SPINK14: variants seen among roughly 807,000 people sequenced by gnomAD.
SPINK14 encodes serine protease inhibitor Kazal-type 14.
In SPINK14, 6 loss-of-function variants were observed where a neutral mutation model predicts 14.2. The ratio of observed to expected loss-of-function variants is 0.42; its 90% CI spans 0.23 to 0.83. The LOEUF is 0.83. Ranked by LOEUF, SPINK14 falls within the 40% of genes least tolerant of loss-of-function variation. The pLI is 0.28. For synonymous variants in SPINK14, 34 were observed against 36.8 expected (o/e 0.92, Z 0.27); for missense variants, 86 against 108.3 (o/e 0.79, Z 0.91).
intron 4 of SPINK14, among the ~76,000 whole-genome samples, chr5:148,174,746 C>T (rs1755146220): frequency 6.6e-6 from 1 of 152,068 alleles, no homozygotes; most frequent in Non-Finnish European, 1.5e-5. Context: ...GTGTTTGAAA[C>T]TCTGAACTAC....
At chr5:148,169,538 A>G (rs1398580594) in intron 1 of SPINK14, among the ~76,000 whole-genome samples, 123 bp from the exon 2 acceptor site, 4 of 152,184 alleles carry the variant, frequency 2.6e-5, no homozygotes, top group African/African-American at 9.6e-5. Context: ...CTTTTTAAAC[A>G]TTTGTTTCTG....
In SPINK14 at chr5:148,174,324, A is replaced by G; in HGVS notation, c.202A>G (p.Asn68Asp). 9.0e-7 allele frequency: 1 copy of G among 1,114,172 alleles called. No homozygotes were observed. 69.0% of individuals were successfully genotyped at this position (1,114,172 alleles called of 1,614,324 possible). A position where few individuals can be genotyped will look rare whatever the true frequency, so the allele number is the denominator to read the frequency against. Residue 68 changes from asparagine (N) to aspartate (D), a missense_variant, in exon 4 of 5, where the codon AAT becomes GAT. Coordinates refer to ENST00000356972, the MANE Select transcript of SPINK14 (RefSeq NM_001001325.2). Reference protein sequence around the residue: ...PGLYQPICGTNFITYDNPCIL... With the variant: ...PGLYQPICGTDFITYDNPCIL... ...CTTATATCAACCCATCTGCGGCACC[A>G]ATTTTATAACCTATGATAATCCCTG...
chr5:148,172,564 T>C (rs1315231385), intron 3 of SPINK14, among the ~76,000 whole-genome samples: 3 of 152,204 alleles, frequency 2.0e-5, no homozygotes, highest in Non-Finnish European at 4.4e-5. Context: ...ACATAATGAC[T>C]AGCCTAATCA....
intron 1 of SPINK14, among the ~76,000 whole-genome samples, chr5:148,168,980 T>C (rs1755066134): frequency 6.6e-6 from 1 of 152,146 alleles, no homozygotes; most frequent in Admixed American, 6.6e-5. Context: ...TTAAATGTGG[T>C]CCTTGGTCAG....
rs781524133 is a variant in SPINK14, at chr5:148,170,920, T to A, written c.68-10T>A. ...ATTAAATTCTGTAACTATTTTCATGTATTCTCTAGTTTCAGGCCCTAGACA... is the reference window on the plus strand; with the variant it reads ...ATTAAATTCTGTAACTATTTTCATGAATTCTCTAGTTTCAGGCCCTAGACA... On this transcript the variant is annotated splice_polypyrimidine_tract_variant and intron_variant, in intron 2 of 4. Transcript: ENST00000356972. The A allele has an allele frequency of 4.4e-6, 7 of 1,609,142 alleles. No homozygotes were observed. Among genetic ancestry groups the A allele is most frequent in the Non-Finnish European group, 6.0e-6 (7 of 1,176,002 alleles).
Position 148,169,818 on chromosome 5 carries a change from C to T in SPINK14, c.67+19C>T. 2 of 1,601,616 alleles carry T rather than the reference C, an allele frequency of 1.2e-6. 1 individual carries two copies. Among genetic ancestry groups the T allele is most frequent in the South Asian group, 2.2e-5 (2 of 89,612 alleles). ...TCTTCTGGTGAGTAATTTAGCTGGTCTTGGCCAGCAGTTGAAATTGATTTG... is the reference window on the plus strand; with the variant it reads ...TCTTCTGGTGAGTAATTTAGCTGGTTTTGGCCAGCAGTTGAAATTGATTTG... On this transcript the variant is annotated intron_variant, in intron 2 of 4. Transcript: ENST00000356972.
chr5:148,168,822 T>TA (rs1755064109), intron 1 of SPINK14, among the ~76,000 whole-genome samples: 1 of 152,266 alleles, frequency 6.6e-6, no homozygotes, highest in African/African-American at 2.4e-5. Flanking sequence ...GGCTACATTT[T>TA]AATGTCTTAA....
At position 148,169,693 on chromosome 5, in the gene SPINK14, T is replaced by C; in HGVS notation, c.-40T>C. On this transcript the variant is annotated 5_prime_UTR_variant, in exon 2 of 5. Transcript: ENST00000356972. Reference sequence around the variant, plus strand: ...ATTAGAGGGCAACAACCTGAGACAATATTTCAGAGCATCATTCCAAGGACA... The same window carrying C: ...ATTAGAGGGCAACAACCTGAGACAACATTTCAGAGCATCATTCCAAGGACA... 6.5e-7 allele frequency: 1 copy of C among 1,541,794 alleles called. No individual in the cohort carries two copies. Among genetic ancestry groups the C allele is most frequent in the Non-Finnish European group, 8.9e-7 (1 of 1,118,816 alleles).
chr5:148,169,628 A>T, intron 1 of SPINK14, 33 bp from the exon 2 acceptor site: 1 of 860,116 alleles, frequency 1.2e-6, no homozygotes, highest in Non-Finnish European at 1.8e-6. Flanking sequence ...TCATTGTAAA[A>T]GTCATCTTAA....
chr5:148,169,581 G>C, intron 1 of SPINK14, 80 bp from the exon 2 acceptor site: 1 of 558,150 alleles, frequency 1.8e-6, no homozygotes. Flanking sequence ...CAAATACATA[G>C]TACTGAGGAT....
At chr5:148,169,414 C>T (rs969008165) in intron 1 of SPINK14, among the ~76,000 whole-genome samples, 5 of 152,000 alleles carry the variant, frequency 3.3e-5, no homozygotes, top group Non-Finnish European at 2.9e-5. Flanking sequence ...AAAATGTTTT[C>T]CCACTAAAAT....
At position 148,175,336 on chromosome 5, in the gene SPINK14, T is replaced by A; in HGVS notation, c.249-17T>A. ...TTGTATTACTAAATGAAATGTTTAT[T>A]CTGATTCTTCCTTTAGGAAATCTCA... On this transcript the variant is annotated splice_polypyrimidine_tract_variant and intron_variant, in intron 4 of 4. Coordinates refer to ENST00000356972, the MANE Select transcript of SPINK14 (RefSeq NM_001001325.2). 6.5e-7 allele frequency: 1 copy of A among 1,534,274 alleles called. No individual in the cohort carries two copies. Among genetic ancestry groups the A allele is most frequent in the Non-Finnish European group, 9.0e-7 (1 of 1,114,924 alleles).
intron 3 of SPINK14, among the ~76,000 whole-genome samples, chr5:148,173,419 TAC>T (rs1755132258): frequency 6.6e-6 from 1 of 152,082 alleles, no homozygotes; most frequent in Non-Finnish European, 1.5e-5. Flanking sequence ...GATTTTTTTC[TAC>T]AGTGTCAGGG....
chr5:148,170,488 C>T (rs1300394317), intron 2 of SPINK14, among the ~76,000 whole-genome samples: 1 of 152,074 alleles, frequency 6.6e-6, no homozygotes, highest in Non-Finnish European at 1.5e-5. Context: ...GAGGCCTAGC[C>T]TCAAGGGCTG....
At chr5:148,171,632 T>G (rs1027902169) in intron 3 of SPINK14, among the ~76,000 whole-genome samples, 1 of 152,160 alleles carries the variant, frequency 6.6e-6, no homozygotes, top group African/African-American at 2.4e-5. Context: ...ATTCCTTCCC[T>G]TTAGAAGTAT....
At chr5:148,170,165 T>TACACAC (rs1173691697) in intron 2 of SPINK14, among the ~76,000 whole-genome samples, 7 of 102,742 alleles carry the variant, frequency 6.8e-5, no homozygotes, top group African/African-American at 2.1e-4. Context: ...AGAGTATATA[T>TACACAC]ATATATATAC....
intron 4 of SPINK14, 42 bp from the exon 5 acceptor site, chr5:148,175,311 T>C: frequency 1.6e-6 from 2 of 1,259,156 alleles, no homozygotes; most frequent in Non-Finnish European, 2.3e-6. Flanking sequence ...AGTTCTGACA[T>C]TGTATTACTA....
At chr5:148,172,657 A>T (rs988253708) in intron 3 of SPINK14, among the ~76,000 whole-genome samples, 1 of 152,140 alleles carries the variant, frequency 6.6e-6, no homozygotes, top group Non-Finnish European at 1.5e-5. Flanking sequence ...GTTGTTACAA[A>T]CTGATTAAAA....
intron 3 of SPINK14, among the ~76,000 whole-genome samples, chr5:148,172,651 T>C (rs1000998913): frequency 1.3e-5 from 2 of 152,174 alleles, no homozygotes; most frequent in Admixed American, 6.6e-5. Context: ...AAATGCGTTG[T>C]TACAAACTGA....
Sources: allele counts gnomAD v4.1 joint callset (sites outside exome capture counted in the v4.1 genomes callset), GRCh38; gene constraint gnomAD v4.1.1; transcripts MANE v1.5; gene names NCBI Gene and HGNC (gene_info 2026-07-23, HGNC 2026-07-21).